Variants in CCDC93 observed in about 807,000 individuals in gnomAD.
CCDC93 encodes coiled-coil domain-containing protein 93.
CCDC93 carries 61 observed loss-of-function variants against 108.2 expected under a neutral mutation model. That is an observed-to-expected ratio of 0.56 (90% CI 0.46 to 0.70). The LOEUF (loss-of-function observed/expected upper bound fraction) is 0.70. Among genes scored for constraint, CCDC93 ranks in the 30% least tolerant of loss-of-function variants. CCDC93 has a pLI of 0.00. For missense variants in CCDC93, 685 were observed against 764.2 expected, an observed-to-expected ratio of 0.90 and a Z score of 1.22; for synonymous variants, 276 against 260.4, an observed-to-expected ratio of 1.06 and a Z score of -0.58.
Position 117,974,795 on chromosome 2 carries a change from G to C in CCDC93, c.801+55C>G, listed in dbSNP as rs954684647. 129 of 1,363,408 alleles carry C rather than the reference G, an allele frequency of 9.5e-5. No homozygotes were observed. In the Middle Eastern group the frequency reaches 2.3e-3, roughly 24 times the overall value. 84.5% of individuals were successfully genotyped at this position (1,363,408 alleles called of 1,614,324 possible). On this transcript the variant is annotated intron_variant, in intron 10 of 23. Coordinates refer to ENST00000376300, the MANE Select transcript of CCDC93 (RefSeq NM_019044.5). ...GTGGGCTCTCTGGGAGAAGACCCCAGCAGAGCAGGGTGGTGCCAAGTCCCC... is the reference window on the plus strand; with the variant it reads ...GTGGGCTCTCTGGGAGAAGACCCCACCAGAGCAGGGTGGTGCCAAGTCCCC...
At chr2:117,981,593 G>A (rs1680118214) in intron 7 of CCDC93, among the ~76,000 whole-genome samples, 2 of 152,154 alleles carry the variant, frequency 1.3e-5, no homozygotes, top group African/African-American at 4.8e-5. Flanking sequence ...TTTAAATCAA[G>A]GATGTACATT....
chr2:117,944,985 A>G (rs1678821303), intron 17 of CCDC93, among the ~76,000 whole-genome samples: 1 of 152,170 alleles, frequency 6.6e-6, no homozygotes, highest in African/African-American at 2.4e-5. Flanking sequence ...AAATCCTACA[A>G]CCTTTGGGCC....
intron 23 of CCDC93, among the ~76,000 whole-genome samples, chr2:117,927,644 T>A (rs544837659): frequency 6.6e-6 from 1 of 152,340 alleles, no homozygotes; most frequent in Admixed American, 6.5e-5. Flanking sequence ...TCCATTCTTA[T>A]GGGTAGGAAG....
intron 6 of CCDC93, among the ~76,000 whole-genome samples, chr2:117,987,769 T>C (rs754416531): frequency 3.3e-5 from 5 of 152,232 alleles, no homozygotes; most frequent in Non-Finnish European, 5.9e-5. Flanking sequence ...ATGCTTTCCA[T>C]GATGTGCTCT....
rs775274028 is a variant in CCDC93, at chr2:117,946,869, C to A, written c.1238G>T (p.Arg413Leu). Residue 413 changes from arginine to leucine, a missense_variant, in exon 16 of 24, where the codon CGA (arginine) becomes CTA (leucine). Physicochemically the swap from Arg to Leu is moderately radical, Grantham distance 102. Transcript: ENST00000376300. ...CAGGTTTTCAATTTCTTGCTGTAGT[C>A]GTGTCATCTCCTCCTTTAAAAGTGA... Reference protein sequence around the residue: ...FKAHCREEMTRLQQEIENLKA... With the variant: ...FKAHCREEMTLLQQEIENLKA... The A allele has an allele frequency of 1.9e-6, 3 of 1,612,338 alleles. No homozygotes were observed. Among genetic ancestry groups the A allele is most frequent in the Non-Finnish European group, 2.5e-6 (3 of 1,178,464 alleles).
intron 11 of CCDC93, among the ~76,000 whole-genome samples, chr2:117,965,750 G>A (rs781635514): frequency 1.3e-5 from 2 of 152,062 alleles, no homozygotes; most frequent in African/African-American, 4.8e-5. Flanking sequence ...CACGCGTAAC[G>A]CAATCCCTGC....
At chr2:117,956,634 T>C (rs1451642201) in intron 12 of CCDC93, among the ~76,000 whole-genome samples, 2 of 152,224 alleles carry the variant, frequency 1.3e-5, no homozygotes, top group East Asian at 3.9e-4. Flanking sequence ...GGGATGATAC[T>C]GTCTGAGTTG....
intron 12 of CCDC93, among the ~76,000 whole-genome samples, chr2:117,957,076 G>C (rs1679245089): frequency 6.6e-6 from 1 of 152,060 alleles, no homozygotes; most frequent in African/African-American, 2.4e-5. Context: ...TTTTAGTAGA[G>C]ACAGGGAGTC....
chr2:117,934,138 T>C (rs1329692304), intron 22 of CCDC93: 8 of 152,184 alleles, frequency 5.3e-5, no homozygotes, highest in Non-Finnish European at 1.2e-4. Context: ...CATGGAGTTT[T>C]TTCCTTTGGC....
chr2:117,996,274 CTG>C lies in CCDC93; in HGVS notation c.450_451del (p.Tyr150Ter). ...AATCACAATACTGACCTCAGGGAGACTGTAAGTCTTCTGGAACTGGGATACAG... is the reference window on the plus strand; with the variant it reads ...AATCACAATACTGACCTCAGGGAGACTAAGTCTTCTGGAACTGGGATACAG... On this transcript the variant is annotated stop_gained and frameshift_variant, in exon 5 of 24. Transcript: ENST00000376300. LOFTEE classifies it high-confidence loss of function. 1.2e-6 allele frequency: 2 copies of C among 1,605,820 alleles called. No individual in the cohort carries two copies. Among genetic ancestry groups the C allele is most frequent in the South Asian group, 2.2e-5 (2 of 90,900 alleles).
At chr2:117,923,903 C>A (rs1677981796) in intron 23 of CCDC93, among the ~76,000 whole-genome samples, 1 of 152,220 alleles carries the variant, frequency 6.6e-6, no homozygotes, top group African/African-American at 2.4e-5. Context: ...TGACACATCA[C>A]ACAGCTGGGT....
intron 23 of CCDC93, among the ~76,000 whole-genome samples, chr2:117,930,100 AG>A: frequency 6.6e-6 from 1 of 152,220 alleles, no homozygotes; most frequent in Non-Finnish European, 1.5e-5. Context: ...GGCTTCTAGA[AG>A]TTAAATCACA....
chr2:117,959,232 A>G (rs1192667137), intron 11 of CCDC93, among the ~76,000 whole-genome samples: 1 of 152,232 alleles, frequency 6.6e-6, no homozygotes, highest in Admixed American at 6.5e-5. Context: ...TACTGAATAC[A>G]AACACCGCCT....
intron 23 of CCDC93, 116 bp from the exon 24 acceptor site, chr2:117,920,512 C>A: frequency 3.3e-6 from 2 of 602,422 alleles, no homozygotes; most frequent in East Asian, 2.8e-5. Flanking sequence ...CTGGCCAACC[C>A]AGTCTCTTGG....
rs928743688 is a variant in CCDC93, at chr2:117,950,989, A to G, written c.1068+1384T>C. The G allele has an allele frequency of 1.8e-5, 18 of 985,236 alleles. No homozygotes were observed. The African/African-American group carries it at 3.1e-4, about 17-fold the overall frequency. The allele number at this position is 985,236 out of a possible 1,614,324, so 61.0% of individuals were successfully genotyped here. ...TCATTTGAGGATAGTCTTATTACTG[A>G]CTTAAATCACACCCTCCACCTTTCT... On this transcript the variant is annotated intron_variant, in intron 13 of 23. Coordinates refer to ENST00000376300, the MANE Select transcript of CCDC93 (RefSeq NM_019044.5).
intron 20 of CCDC93, among the ~76,000 whole-genome samples, chr2:117,937,888 G>A (rs567779292): frequency 1.3e-5 from 2 of 152,050 alleles, no homozygotes; most frequent in South Asian, 4.2e-4. Context: ...GCTTCCCAAG[G>A]AGCACCCTCT....
At chr2:118,008,973 CT>C in intron 1 of CCDC93, 1 of 218,982 alleles carries the variant, frequency 4.6e-6, no homozygotes, top group Non-Finnish European at 9.1e-6. Context: ...ACAATACTTC[CT>C]TTTTCTCTAA....
At chr2:117,926,026 C>CAT (rs1678080854) in intron 23 of CCDC93, among the ~76,000 whole-genome samples, 1 of 152,116 alleles carries the variant, frequency 6.6e-6, no homozygotes, top group Non-Finnish European at 1.5e-5. Flanking sequence ...CTACAGGGTA[C>CAT]ATAACGACAT....
In CCDC93 at chr2:117,919,651, T is replaced by G. The variant is rs1318747087; in HGVS notation, c.*692A>C. The G allele has an allele frequency of 2.6e-5, 4 of 152,158 alleles. No individual in the cohort carries two copies. In the East Asian group the frequency reaches 7.7e-4, roughly 29 times the overall value. 9.4% of individuals were successfully genotyped at this position (152,158 alleles called of 1,614,324 possible). ...CTCAGCACAAGGTCTGTTTTCAATT[T>G]TCTGAGAAATCAACTTGAGTAACGT... On this transcript the variant is annotated 3_prime_UTR_variant, in exon 24 of 24. Coordinates refer to ENST00000376300, the MANE Select transcript of CCDC93 (RefSeq NM_019044.5).
Sources: gnomAD v4.1 joint callset for allele counts (sites outside exome capture counted in the v4.1 genomes callset) on GRCh38, gnomAD v4.1.1 for gene constraint, MANE v1.5 for transcripts, NCBI Gene and HGNC (gene_info 2026-07-23, HGNC 2026-07-21) for gene names.